Variants in NOL8 observed in about 807,000 individuals in gnomAD.
NOL8 encodes nucleolar protein Nop132.
In NOL8, 93 loss-of-function variants were observed where a neutral mutation model predicts 116.1. The observed-to-expected ratio is 0.80, with a 90% CI of 0.68 to 0.95. NOL8 has a LOEUF of 0.95. Ranked by LOEUF, NOL8 falls within the 40% of genes least tolerant of loss-of-function variation. The probability of loss-of-function intolerance (pLI) is 0.00; values close to 1 mark genes in which losing one functional copy is unlikely to be tolerated. For synonymous variants in NOL8, 419 were observed against 469.0 expected (o/e 0.89, Z 1.38); for missense variants, 1,291 against 1,382.8 (o/e 0.93, Z 1.05).
intron 12 of NOL8, among the ~76,000 whole-genome samples, chr9:92,302,334 G>C (rs1473832937): frequency 2.0e-5 from 3 of 152,194 alleles, no homozygotes; most frequent in Non-Finnish European, 4.4e-5. Flanking sequence ...ATTTAGGAAT[G>C]AATATGCTTT....
Position 92,324,019 on chromosome 9 carries a change from T to C in NOL8, c.139+4A>G. 1.2e-6 allele frequency: 2 copies of C among 1,613,808 alleles called. No homozygotes were observed. Among genetic ancestry groups the C allele is most frequent in the Non-Finnish European group, 1.7e-6 (2 of 1,179,758 alleles). On this transcript the variant is annotated splice_donor_region_variant and intron_variant, in intron 2 of 16. Transcript: ENST00000442668. ...TAACTGCCCAGTGAAGGACCATAAA[T>C]TACCTTGGTCATCTTTCCGTGTGAT...
rs1287564742 is a variant in NOL8 at position 92,316,023 on chromosome 9, G to C, written c.602C>G (p.Pro201Arg). The C allele has an allele frequency of 6.2e-7, 1 of 1,613,930 alleles. No individual in the cohort carries two copies. Among genetic ancestry groups the C allele is most frequent in the Non-Finnish European group, 8.5e-7 (1 of 1,179,872 alleles). The change falls in exon 7 of 17, where the codon CCT becomes CGT. Residue 201 changes from proline to arginine, a missense_variant. Coordinates refer to ENST00000442668, the MANE Select transcript of NOL8 (RefSeq NM_017948.6). ...CTCTCCTCGCCGTTTCTTACTCATA[G>C]GGTCATTCCCTCCTTCTAATTCCCA... ...LTWELEGGNDPMSKKRRGEFS... is the reference protein window; with the variant it reads ...LTWELEGGNDRMSKKRRGEFS...
chr9:92,313,541 ACT>A (rs758886377), intron 7 of NOL8, among the ~76,000 whole-genome samples: 1 of 151,604 alleles, frequency 6.6e-6, no homozygotes, highest in African/African-American at 2.4e-5. Flanking sequence ...AAAATTCTTC[ACT>A]CTCTTTTCAT....
At chr9:92,312,676 A>G (rs1838929024) in intron 7 of NOL8, among the ~76,000 whole-genome samples, 1 of 150,918 alleles carries the variant, frequency 6.6e-6, no homozygotes, top group Admixed American at 6.6e-5. Context: ...CAAATATAAA[A>G]ATTAGCTGGG....
At chr9:92,302,031 T>G (rs1347033514) in intron 12 of NOL8, among the ~76,000 whole-genome samples, 1 of 152,140 alleles carries the variant, frequency 6.6e-6, no homozygotes, top group Non-Finnish European at 1.5e-5. Flanking sequence ...ATCAATAAGC[T>G]TTTTTTACAC....
At position 92,315,914 on chromosome 9, in the gene NOL8, T is replaced by C. The variant is rs1193366617; in HGVS notation, c.711A>G (p.Thr237=). ...GTCTCTCTATTACCCTCCTGGGCCTTGTACTCATGGCCAGAGACCCAGTGG... is the reference window on the plus strand; with the variant it reads ...GTCTCTCTATTACCCTCCTGGGCCTCGTACTCATGGCCAGAGACCCAGTGG... ...ESSTGSLAMS[T]RPRRVIERPP... Residue 237 remains threonine, a synonymous_variant, in exon 7 of 17, where the codon ACA becomes ACG. Transcript: ENST00000442668. 3 of 1,613,872 alleles carry C rather than the reference T, an allele frequency of 1.9e-6. No individual in the cohort carries two copies. Among genetic ancestry groups the C allele is most frequent in the East Asian group, 2.2e-5 (1 of 44,884 alleles).
chr9:92,305,379 A>T (rs534322130), intron 12 of NOL8, among the ~76,000 whole-genome samples: 1 of 152,308 alleles, frequency 6.6e-6, no homozygotes, highest in South Asian at 2.1e-4. Context: ...AAGGAACATA[A>T]CCTGTTCACT....
Position 92,323,367 on chromosome 9 carries a change from T to C in NOL8, c.202+74A>G, listed in dbSNP as rs1442368232. ...TGAAAAATGGCTGTGGAGGTTTAGA[T>C]TTAGAACCAGTTATTCCAAGTTACA... On this transcript the variant is annotated intron_variant, in intron 3 of 16. Transcript: ENST00000442668. 3 of 1,542,026 alleles carry C rather than the reference T, an allele frequency of 1.9e-6. No individual in the cohort carries two copies. The Admixed American group carries it at 5.9e-5, about 30-fold the overall frequency.
intron 7 of NOL8, among the ~76,000 whole-genome samples, chr9:92,312,827 CA>C (rs35089570): frequency 0.17 from 9,379 of 55,532 alleles, 222 homozygotes; most frequent in South Asian, 0.33. Flanking sequence ...AACTCCATCT[CA>C]AAAAAAAAAA....
intron 4 of NOL8, 102 bp from the exon 5 acceptor site, chr9:92,319,458 T>C: frequency 7.9e-7 from 1 of 1,268,810 alleles, no homozygotes; most frequent in Non-Finnish European, 1.0e-6. Context: ...TAAACAGCTT[T>C]GTAGTATTAA....
At position 92,315,931 on chromosome 9, in the gene NOL8, A is replaced by G. The variant is rs1185210562; in HGVS notation, c.694T>C (p.Ser232Pro). The G allele has an allele frequency of 3.1e-6, 5 of 1,613,808 alleles. No individual in the cohort carries two copies. In the Admixed American group the frequency reaches 8.3e-5, roughly 27 times the overall value. ...KVQKDESSTG[S>P]LAMSTRPRRV... ...CTGGGCCTTGTACTCATGGCCAGAG[A>G]CCCAGTGGAACTCTCATCCTTCTGC... is the stretch of plus-strand genomic sequence containing the variant. The change falls in exon 7 of 17, where the codon TCT (serine) becomes CCT (proline). Residue 232 changes from serine to proline, a missense_variant. Coordinates refer to ENST00000442668, the MANE Select transcript of NOL8 (RefSeq NM_017948.6).
chr9:92,314,873 T>C lies in NOL8; in HGVS notation c.1752A>G (p.Ser584=). The C allele has an allele frequency of 6.2e-7, 1 of 1,613,610 alleles. No individual in the cohort carries two copies. Among genetic ancestry groups the C allele is most frequent in the Non-Finnish European group, 8.5e-7 (1 of 1,179,798 alleles). The stretch of plus-strand genomic sequence containing the variant: ...CACTGTCTTTCAAGGATTTTTTCAT[T>C]GACTCCTTTTCATATAGACAGCCTA... ...KGVGCLYEKE[S]MKKSLKDSVA... Residue 584 remains serine (S), a synonymous_variant, in exon 7 of 17, where the codon TCA becomes TCG. Coordinates refer to ENST00000442668, the MANE Select transcript of NOL8 (RefSeq NM_017948.6).
intron 11 of NOL8, 53 bp downstream of exon 11, chr9:92,306,833 G>A: frequency 1.9e-6 from 3 of 1,548,008 alleles, no homozygotes; most frequent in Non-Finnish European, 8.8e-7. Flanking sequence ...AGTTCAAGAA[G>A]ACATTTATGG....
At position 92,298,007 on chromosome 9, in the gene NOL8, T is replaced by C. The variant is rs575143270; in HGVS notation, c.3454-121A>G. The C allele has an allele frequency of 1.6e-5, 14 of 874,098 alleles. No individual in the cohort carries two copies. The African/African-American group carries it at 2.2e-4, about 14-fold the overall frequency. 54.1% of individuals were successfully genotyped at this position (874,098 alleles called of 1,614,324 possible). On this transcript the variant is annotated intron_variant, in intron 16 of 16. Transcript: ENST00000442668. ...GTGGAAACCTATTTTGAAAGTGCTC[T>C]TTTGAAATGAAGAGGGGATATTGGC...
intron 7 of NOL8, among the ~76,000 whole-genome samples, chr9:92,312,756 G>T (rs1838938419): frequency 1.4e-5 from 2 of 147,682 alleles, no homozygotes; most frequent in South Asian, 4.4e-4. Flanking sequence ...GAACCCAGGA[G>T]GCGGAGATTG....
intron 12 of NOL8, among the ~76,000 whole-genome samples, chr9:92,303,292 A>G (rs948724151): frequency 6.6e-6 from 1 of 152,228 alleles, no homozygotes; most frequent in East Asian, 1.9e-4. Flanking sequence ...ACTATAGTCC[A>G]TGGGCCAAGT....
chr9:92,324,005 T>G lies in NOL8; in HGVS notation c.139+18A>C, dbSNP rs1447395171. ...GTTATGTCTGCCTATAACTGCCCAG[T>G]GAAGGACCATAAATTACCTTGGTCA... On this transcript the variant is annotated intron_variant, in intron 2 of 16. Transcript: ENST00000442668. 7 of 1,613,482 alleles carry G rather than the reference T, an allele frequency of 4.3e-6. No homozygotes were observed. In the South Asian group the frequency reaches 6.6e-5, roughly 15 times the overall value.
At chr9:92,322,795 C>G (rs1004579722) in intron 3 of NOL8, 2 of 152,226 alleles carry the variant, frequency 1.3e-5, no homozygotes, top group Admixed American at 1.3e-4. Context: ...CACATATATT[C>G]CTCAATGTAA....
intron 4 of NOL8, chr9:92,319,959 T>G (rs1322803500): frequency 4.7e-6 from 2 of 423,314 alleles, no homozygotes; most frequent in East Asian, 1.4e-4. Flanking sequence ...TCTGCTCCAG[T>G]GGATGTCCCA....
Sources: gnomAD v4.1 joint callset for allele counts (sites outside exome capture counted in the v4.1 genomes callset) on GRCh38, gnomAD v4.1.1 for gene constraint, MANE v1.5 for transcripts, NCBI Gene and HGNC (gene_info 2026-07-23, HGNC 2026-07-21) for gene names.